RNF152: variants seen among roughly 807,000 people sequenced by gnomAD.
RNF152 encodes ring finger protein 152.
In RNF152, 11 loss-of-function variants were observed where a neutral mutation model predicts 12.7. That is an observed-to-expected ratio of 0.86 (90% confidence interval 0.54 to 1.43). The LOEUF (loss-of-function observed/expected upper bound fraction) is 1.43, where lower values mean the gene tolerates loss of function less well. RNF152 is among the 40% of genes most tolerant of loss of function. The probability of loss-of-function intolerance (pLI) is 0.00; values close to 1 mark genes in which losing one functional copy is unlikely to be tolerated. For missense variants in RNF152, 255 were observed against 274.8 expected (o/e 0.93, Z 0.51); for synonymous variants, 113 against 120.3 (o/e 0.94, Z 0.40).
At chr18:61,855,791 A>G (rs1396599398) in intron 1 of RNF152, among the ~76,000 whole-genome samples, 1 of 152,224 alleles carries the variant, frequency 6.6e-6, no homozygotes, top group Non-Finnish European at 1.5e-5. Context: ...AGTGGACAGA[A>G]TGAGCCCAGC....
Position 61,881,355 on chromosome 18 carries a change from T to C in RNF152, c.-136+11440A>G, listed in dbSNP as rs555784673. On this transcript the variant is annotated intron_variant, in intron 1 of 1. Coordinates refer to ENST00000312828, the MANE Select transcript of RNF152 (RefSeq NM_173557.3). ...CATAAAAGGAAGAAATTTGTTTCTTTACAAGTCAGAATCTCAAGGGAGAAA... is the reference window on the plus strand; with the variant it reads ...CATAAAAGGAAGAAATTTGTTTCTTCACAAGTCAGAATCTCAAGGGAGAAA... Among the ~76,000 whole-genome samples, 3 of 152,282 alleles carry C rather than the reference T, an allele frequency of 2.0e-5. No individual in the cohort carries two copies. In the South Asian group the frequency reaches 6.2e-4, roughly 32 times the overall value.
At chr18:61,867,162 C>A (rs1351647105) in intron 1 of RNF152, among the ~76,000 whole-genome samples, 1 of 152,132 alleles carries the variant, frequency 6.6e-6, no homozygotes, top group Non-Finnish European at 1.5e-5. Flanking sequence ...ATGGCAAATA[C>A]AAAGAGATTG....
intron 1 of RNF152, among the ~76,000 whole-genome samples, chr18:61,882,984 A>AGTCATG (rs1194738302): frequency 1.3e-5 from 2 of 152,228 alleles, no homozygotes; most frequent in Non-Finnish European, 2.9e-5. Context: ...ACCAGAAAGA[A>AGTCATG]AAAAAACACA....
In RNF152 at chr18:61,810,852, C is replaced by T. The variant is rs897701849; in HGVS notation, c.*5000G>A. The stretch of plus-strand genomic sequence containing the variant: ...GAATGATGGAAATGTCAAGGAACAG[C>T]TTCTCTATCTAAGTCAGGGATGACA... On this transcript the variant is annotated 3_prime_UTR_variant, in exon 2 of 2. Transcript: ENST00000312828. 13 of 151,956 alleles carry T rather than the reference C, an allele frequency of 8.6e-5. No individual in the cohort carries two copies. Among genetic ancestry groups the T allele is most frequent in the African/African-American group, 3.1e-4 (13 of 41,480 alleles). The allele number at this position is 151,956 out of a possible 1,614,324, so 9.4% of individuals were successfully genotyped here. A position where few individuals can be genotyped will look rare whatever the true frequency, so the allele number is the denominator to read the frequency against.
intron 1 of RNF152, among the ~76,000 whole-genome samples, chr18:61,827,227 G>T (rs1909711433): frequency 6.6e-6 from 1 of 152,110 alleles, no homozygotes. Context: ...TTTCGATTTG[G>T]CCAGGTTAAT....
chr18:61,834,288 T>C (rs1401060958), intron 1 of RNF152, among the ~76,000 whole-genome samples: 1 of 152,224 alleles, frequency 6.6e-6, no homozygotes, highest in Non-Finnish European at 1.5e-5. Flanking sequence ...AGAGAAAGAA[T>C]GGCTTACAGA....
intron 1 of RNF152, among the ~76,000 whole-genome samples, chr18:61,889,992 A>C (rs753427504): frequency 3.5e-4 from 54 of 152,374 alleles, no homozygotes; most frequent in Non-Finnish European, 5.9e-4. Context: ...AAATAGGCAA[A>C]GAGAGGATTA....
intron 1 of RNF152, among the ~76,000 whole-genome samples, chr18:61,846,215 T>A (rs777069194): frequency 8.5e-5 from 13 of 152,126 alleles, no homozygotes; most frequent in Non-Finnish European, 1.8e-4. Context: ...ACCCAAACAC[T>A]CTCTCTTGTT....
In RNF152 at chr18:61,813,816, A is replaced by C. The variant is rs959486513; in HGVS notation, c.*2036T>G. The C allele has an allele frequency of 2.6e-5, 4 of 152,196 alleles. No homozygotes were observed. The highest frequency in any genetic ancestry group is 5.9e-5 in the Non-Finnish European group (4 of 68,018). 9.4% of individuals were successfully genotyped at this position (152,196 alleles called of 1,614,324 possible). ...GTGTGTGTGTGTGTATTTTCCTCCA[A>C]GAGAAATAGAAATTAGGTCAGACAT... is the stretch of plus-strand genomic sequence containing the variant. On this transcript the variant is annotated 3_prime_UTR_variant, in exon 2 of 2. Coordinates refer to ENST00000312828, the MANE Select transcript of RNF152 (RefSeq NM_173557.3).
chr18:61,837,338 G>T (rs1444237837), intron 1 of RNF152, among the ~76,000 whole-genome samples: 1 of 152,146 alleles, frequency 6.6e-6, no homozygotes, highest in Non-Finnish European at 1.5e-5. Context: ...AGTGATACAA[G>T]GCATTTTAAA....
intron 1 of RNF152, among the ~76,000 whole-genome samples, chr18:61,855,988 A>G (rs1911213783): frequency 6.6e-6 from 1 of 152,208 alleles, no homozygotes; most frequent in Non-Finnish European, 1.5e-5. Flanking sequence ...ACAACCAGGT[A>G]CTTAAAGAAC....
In RNF152 at chr18:61,809,623, T is replaced by C. The variant is rs1037855220; in HGVS notation, c.*6229A>G. 6.6e-6 allele frequency: 1 copy of C among 152,116 alleles called. No homozygotes were observed. 9.4% of individuals were successfully genotyped at this position (152,116 alleles called of 1,614,324 possible). ...AGCAGTGTTCTAGAACAAAGACAGC[T>C]ACAGGGAAGCACTCCCACAAAAACA... is the stretch of plus-strand genomic sequence containing the variant. On this transcript the variant is annotated 3_prime_UTR_variant, in exon 2 of 2. Coordinates refer to ENST00000312828, the MANE Select transcript of RNF152 (RefSeq NM_173557.3).
chr18:61,883,286 G>A (rs112860853), intron 1 of RNF152, among the ~76,000 whole-genome samples: 6,766 of 151,970 alleles, frequency 0.045, 214 homozygotes, highest in Middle Eastern at 0.061. Context: ...GGCCCCAAGC[G>A]GCTACCCCTT....
At chr18:61,821,384 G>A (rs1177520276) in intron 1 of RNF152, among the ~76,000 whole-genome samples, 3 of 152,150 alleles carry the variant, frequency 2.0e-5, no homozygotes, top group African/African-American at 7.2e-5. Context: ...AGCCTGTACT[G>A]CATTCCAGTT....
At chr18:61,867,249 A>G (rs1052286590) in intron 1 of RNF152, among the ~76,000 whole-genome samples, 1 of 152,168 alleles carries the variant, frequency 6.6e-6, no homozygotes, top group African/African-American at 2.4e-5. Context: ...TCAGGAGTTC[A>G]AGACCAGCCT....
At position 61,816,024 on chromosome 18, in the gene RNF152, G is replaced by T; in HGVS notation, c.440C>A (p.Pro147His). The stretch of plus-strand genomic sequence containing the variant: ...CTGCTCCTCCTCCACCGCCTCCTGG[G>T]GAGCCCCACCTTGCAGAGGCTGCTG... ...AEQQPLQGGA[P>H]QEAVEEEQDR... The change falls in exon 2 of 2, where the codon CCC becomes CAC. Residue 147 changes from proline to histidine, a missense_variant. Coordinates refer to ENST00000312828, the MANE Select transcript of RNF152 (RefSeq NM_173557.3). 1 of 1,614,184 alleles carries T rather than the reference G, an allele frequency of 6.2e-7. No individual in the cohort carries two copies. The highest frequency in any genetic ancestry group is 1.1e-5 in the South Asian group (1 of 91,078).
At chr18:61,817,447 G>T (rs1909164790) in intron 1 of RNF152, among the ~76,000 whole-genome samples, 1 of 152,182 alleles carries the variant, frequency 6.6e-6, no homozygotes, top group Non-Finnish European at 1.5e-5. Context: ...CGAATTTTTT[G>T]AATAGATACG....
At chr18:61,858,289 G>A (rs891489656) in intron 1 of RNF152, among the ~76,000 whole-genome samples, 7 of 151,860 alleles carry the variant, frequency 4.6e-5, no homozygotes, top group Non-Finnish European at 1.0e-4. Flanking sequence ...TTAGATTCCT[G>A]CCAGCCCCTC....
chr18:61,884,049 C>A (rs775183539), intron 1 of RNF152, among the ~76,000 whole-genome samples: 1 of 152,174 alleles, frequency 6.6e-6, no homozygotes, highest in African/African-American at 2.4e-5. Flanking sequence ...GCCTATTCAT[C>A]CCGATATTTC....
Sources: gnomAD v4.1 joint callset for allele counts (sites outside exome capture counted in the v4.1 genomes callset) on GRCh38, gnomAD v4.1.1 for gene constraint, MANE v1.5 for transcripts, NCBI Gene and HGNC (gene_info 2026-07-23, HGNC 2026-07-21) for gene names.